Variants in CERKL observed in about 807,000 individuals in gnomAD.
CERKL encodes the protein CERK like autophagy regulator, also known as ceramide kinase-like protein.
CERKL carries 61 observed loss-of-function variants against 63.4 expected under a neutral mutation model. The observed-to-expected ratio is 0.96, with a 90% CI of 0.78 to 1.19. The LOEUF (loss-of-function observed/expected upper bound fraction) is 1.19. Among genes scored for constraint, CERKL ranks in the 50% most tolerant of loss-of-function variants. The probability of loss-of-function intolerance (pLI) is 0.00; values close to 1 mark genes in which losing one functional copy is unlikely to be tolerated. For missense variants in CERKL, 675 were observed against 655.5 expected (o/e 1.03, Z -0.33); for synonymous variants, 250 against 230.5 (o/e 1.08, Z -0.77).
At chr2:181,653,101 TTTAA>T (rs1224132113) in intron 1 of CERKL, among the ~76,000 whole-genome samples, 3 of 152,214 alleles carry the variant, frequency 2.0e-5, no homozygotes, top group Non-Finnish European at 2.9e-5. Flanking sequence ...GGCAAACGAC[TTTAA>T]TTGATAGGTC....
intron 5 of CERKL, among the ~76,000 whole-genome samples, chr2:181,551,392 G>C (rs921256505): frequency 6.6e-6 from 1 of 151,982 alleles, no homozygotes; most frequent in Admixed American, 6.6e-5. Context: ...TACAGAATGG[G>C]AGAAAATTTT....
intron 1 of CERKL, among the ~76,000 whole-genome samples, chr2:181,605,898 T>C (rs1192474899): frequency 6.6e-6 from 1 of 152,054 alleles, no homozygotes. Flanking sequence ...AGGATGTTCA[T>C]ATGCTCACTA....
At chr2:181,636,698 G>A (rs949428172) in intron 1 of CERKL, among the ~76,000 whole-genome samples, 1 of 152,038 alleles carries the variant, frequency 6.6e-6, no homozygotes, top group Non-Finnish European at 1.5e-5. Flanking sequence ...TTTCTAGAAT[G>A]GTTTCCTTGC....
At chr2:181,631,427 G>C (rs1415417938) in intron 1 of CERKL, among the ~76,000 whole-genome samples, 3 of 152,096 alleles carry the variant, frequency 2.0e-5, no homozygotes, top group Non-Finnish European at 4.4e-5. Flanking sequence ...ACTGGAAAAG[G>C]TTCATCAAAG....
At chr2:181,625,127 A>G (rs1254030654) in intron 1 of CERKL, among the ~76,000 whole-genome samples, 3 of 152,154 alleles carry the variant, frequency 2.0e-5, no homozygotes, top group Non-Finnish European at 2.9e-5. Context: ...AAGCAGCCCA[A>G]TGGGGTAGGA....
intron 1 of CERKL, among the ~76,000 whole-genome samples, chr2:181,614,001 A>G (rs1311151334): frequency 6.6e-6 from 1 of 152,226 alleles, no homozygotes; most frequent in African/African-American, 2.4e-5. Context: ...AAATGTTTTT[A>G]TTTAAAGTCT....
At chr2:181,605,540 A>C (rs1264056429) in intron 1 of CERKL, among the ~76,000 whole-genome samples, 1 of 152,184 alleles carries the variant, frequency 6.6e-6, no homozygotes, top group Non-Finnish European at 1.5e-5. Flanking sequence ...GAGCTGGCTA[A>C]AGACTGCTGT....
chr2:181,559,811 C>T (rs1481303369), intron 4 of CERKL, among the ~76,000 whole-genome samples: 1 of 152,108 alleles, frequency 6.6e-6, no homozygotes, highest in Non-Finnish European at 1.5e-5. Flanking sequence ...CCAGTCAGTT[C>T]CCACCATCTT....
chr2:181,578,664 C>A (rs11687348), intron 2 of CERKL, among the ~76,000 whole-genome samples: 34,026 of 151,826 alleles, frequency 0.22, 4,680 homozygotes, highest in Non-Finnish European at 0.3. Context: ...ACATAGACAG[C>A]AGCTTCCCTA....
At chr2:181,615,116 G>C (rs1170312134) in intron 1 of CERKL, among the ~76,000 whole-genome samples, 1 of 152,160 alleles carries the variant, frequency 6.6e-6, no homozygotes, top group Non-Finnish European at 1.5e-5. Context: ...AGGAACTTAA[G>C]TATACATCTA....
intron 11 of CERKL, among the ~76,000 whole-genome samples, chr2:181,540,994 T>C (rs746710916): frequency 9.9e-5 from 15 of 152,152 alleles, no homozygotes; most frequent in Non-Finnish European, 2.1e-4. Flanking sequence ...AGGCAAACCA[T>C]GGTCAAGCAA....
At chr2:181,572,300 T>G (rs1016024499) in intron 3 of CERKL, among the ~76,000 whole-genome samples, 22 of 152,210 alleles carry the variant, frequency 1.4e-4, no homozygotes, top group African/African-American at 5.3e-4. Flanking sequence ...TTTAAGCATT[T>G]TTTTGAATCT....
chr2:181,560,140 T>C (rs1163800661), intron 4 of CERKL, among the ~76,000 whole-genome samples: 1 of 152,176 alleles, frequency 6.6e-6, no homozygotes, highest in Non-Finnish European at 1.5e-5. Context: ...AAGGTTTGAC[T>C]TGAAACTTAC....
At chr2:181,642,887 A>G (rs970144369) in intron 1 of CERKL, among the ~76,000 whole-genome samples, 4 of 152,232 alleles carry the variant, frequency 2.6e-5, no homozygotes, top group Non-Finnish European at 5.9e-5. Context: ...GCTTAAAGCT[A>G]GCCTCAACCA....
At chr2:181,616,870 T>G (rs1305854726) in intron 1 of CERKL, among the ~76,000 whole-genome samples, 2 of 152,226 alleles carry the variant, frequency 1.3e-5, no homozygotes, top group East Asian at 3.8e-4. Context: ...ATTGGTGAAT[T>G]AAGTAAATCT....
chr2:181,607,839 C>A (rs16867457), intron 1 of CERKL, among the ~76,000 whole-genome samples: 21,836 of 152,100 alleles, frequency 0.14, 2,120 homozygotes, highest in African/African-American at 0.27. Flanking sequence ...GTCTTCCACA[C>A]GGGGGTGTTA....
chr2:181,617,045 A>G (rs1332008514), intron 1 of CERKL, among the ~76,000 whole-genome samples: 1 of 152,214 alleles, frequency 6.6e-6, no homozygotes, highest in Non-Finnish European at 1.5e-5. Flanking sequence ...AATAGTGGGT[A>G]AAACTCCTGG....
chr2:181,611,181 C>T (rs1010606695), intron 1 of CERKL, among the ~76,000 whole-genome samples: 15 of 152,178 alleles, frequency 9.9e-5, no homozygotes, highest in African/African-American at 3.6e-4. Flanking sequence ...CAAGATCACA[C>T]CATTGCACTT....
At chr2:181,630,671 T>A (rs7599510) in intron 1 of CERKL, among the ~76,000 whole-genome samples, 2 of 151,990 alleles carry the variant, frequency 1.3e-5, no homozygotes, top group East Asian at 3.9e-4. Context: ...CCAACCCCAA[T>A]GGCACCTTGA....
Sources: gnomAD v4.1 joint callset for allele counts (sites outside exome capture counted in the v4.1 genomes callset) on GRCh38, gnomAD v4.1.1 for gene constraint, MANE v1.5 for transcripts, NCBI Gene and HGNC (gene_info 2026-07-23, HGNC 2026-07-21) for gene names.